NCOA6: variants seen among roughly 807,000 people sequenced by gnomAD.
NCOA6 encodes the protein nuclear receptor coactivator 6, also known as NRC RAP250.
Under a neutral mutation model 171.4 loss-of-function variants are expected in NCOA6, and 49 were observed. The observed-to-expected ratio is 0.29, with a 90% CI of 0.23 to 0.36. The LOEUF is 0.36. Among genes scored for constraint, NCOA6 ranks in the 10% least tolerant of loss-of-function variants. The probability of loss-of-function intolerance (pLI) is 1.00; values close to 1 mark genes in which losing one functional copy is unlikely to be tolerated. For missense variants in NCOA6, 2,248 were observed against 2,554.5 expected, an observed-to-expected ratio of 0.88 and a Z score of 2.59; for synonymous variants, 910 against 927.5, an observed-to-expected ratio of 0.98 and a Z score of 0.34.
At chr20:34,808,436 CTTTTTTT>C (rs957085400) in intron 1 of NCOA6, among the ~76,000 whole-genome samples, 2 of 125,490 alleles carry the variant, frequency 1.6e-5, no homozygotes, top group Non-Finnish European at 3.4e-5. Flanking sequence ...CTTGTCTGTG[CTTTTTTT>C]TTTTTTTTTT....
intron 12 of NCOA6, among the ~76,000 whole-genome samples, chr20:34,733,612 T>C (rs957989491): frequency 2.0e-5 from 3 of 152,202 alleles, no homozygotes; most frequent in African/African-American, 4.8e-5. Flanking sequence ...GTATGGCACC[T>C]GACACTTAGT....
chr20:34,779,041 A>T (rs2077437485), intron 3 of NCOA6, among the ~76,000 whole-genome samples: 1 of 152,048 alleles, frequency 6.6e-6, no homozygotes, highest in Non-Finnish European at 1.5e-5. Context: ...CATTATGAGT[A>T]CATTTAATTT....
At chr20:34,743,941 T>C (rs530330268) in intron 10 of NCOA6, among the ~76,000 whole-genome samples, 16 of 152,368 alleles carry the variant, frequency 1.1e-4, no homozygotes, top group Non-Finnish European at 1.8e-4. Flanking sequence ...TTCCAATTCA[T>C]TGGCTCCATA....
Position 34,782,157 on chromosome 20 carries a change from C to A in NCOA6, c.199G>T (p.Ala67Ser), listed in dbSNP as rs761338592. 4 of 1,605,988 alleles carry A rather than the reference C, an allele frequency of 2.5e-6. No homozygotes were observed. Among genetic ancestry groups the A allele is most frequent in the African/African-American group, 2.7e-5 (2 of 74,658 alleles). Residue 67 changes from alanine to serine, a missense_variant, in exon 3 of 15, where the codon GCA (alanine) becomes TCA (serine). Around this residue, in one of 7 missense-constraint regions of NCOA6, gnomAD observed 987 missense variants for 1,104.7 expected, o/e 0.89. Transcript: ENST00000359003. The part of the protein sequence containing the change: ...DDKDFKWKLD[A>S]ILKNVPNLLH... ...AAATTGGGCACGTTTTTCAATATTGCATCTAATTTCCATTTGAAGTCTTTA... is the reference window on the plus strand; with the variant it reads ...AAATTGGGCACGTTTTTCAATATTGAATCTAATTTCCATTTGAAGTCTTTA...
chr20:34,744,475 T>G (rs934994782), intron 10 of NCOA6, among the ~76,000 whole-genome samples: 6 of 152,090 alleles, frequency 3.9e-5, no homozygotes, highest in African/African-American at 1.4e-4. Context: ...GAAGAGTACA[T>G]TAGGGAGGTT....
rs768795684 is a variant in NCOA6 at position 34,715,344 on chromosome 20, G to A, written c.6170C>T (p.Ser2057Phe). 1.2e-6 allele frequency: 2 copies of A among 1,613,814 alleles called. No individual in the cohort carries two copies. The highest frequency in any genetic ancestry group is 2.7e-5 in the African/African-American group (2 of 74,900). ...STKDITSAVQ[S>F]KRRKSK is the part of the protein sequence containing the mutation. Reference sequence around the variant, plus strand: ...TGTTTACTTGGATTTTCTTCGCTTGGATTGCACCGCACTGGTTATGTCTGT... The same window carrying A: ...TGTTTACTTGGATTTTCTTCGCTTGAATTGCACCGCACTGGTTATGTCTGT... Residue 2057 changes from serine (S) to phenylalanine (F), a missense_variant, in exon 15 of 15, where the codon TCC becomes TTC. Transcript: ENST00000359003.
chr20:34,771,497 T>G (rs2077150323), intron 4 of NCOA6, among the ~76,000 whole-genome samples: 1 of 152,220 alleles, frequency 6.6e-6, no homozygotes, highest in East Asian at 1.9e-4. Context: ...CAAAATGTAA[T>G]ATGTATTTTA....
At chr20:34,810,082 T>C (rs962051129) in intron 1 of NCOA6, among the ~76,000 whole-genome samples, 5 of 152,230 alleles carry the variant, frequency 3.3e-5, no homozygotes, top group African/African-American at 9.6e-5. Context: ...AATACCACAG[T>C]AGTGGTTACA....
intron 12 of NCOA6, among the ~76,000 whole-genome samples, chr20:34,735,039 T>C (rs2075906446): frequency 1.3e-5 from 2 of 152,280 alleles, no homozygotes; most frequent in South Asian, 2.1e-4. Context: ...CAAGAAGGTT[T>C]GATGAAGGTA....
At chr20:34,768,062 T>G (rs551668387) in intron 5 of NCOA6, among the ~76,000 whole-genome samples, 7 of 152,302 alleles carry the variant, frequency 4.6e-5, no homozygotes, top group Admixed American at 1.3e-4. Flanking sequence ...AGATTCCACA[T>G]AAGCACACAA....
chr20:34,728,214 C>G (rs1359491284), intron 13 of NCOA6, among the ~76,000 whole-genome samples: 1 of 152,020 alleles, frequency 6.6e-6, no homozygotes, highest in Non-Finnish European at 1.5e-5. Context: ...AGTCAGATAA[C>G]AGCATATTAG....
intron 14 of NCOA6, among the ~76,000 whole-genome samples, chr20:34,726,742 G>A (rs566674081): frequency 2.5e-3 from 378 of 151,224 alleles, no homozygotes; most frequent in African/African-American, 8.6e-3. Flanking sequence ...CTGAGATCAC[G>A]CCACTGCACT....
chr20:34,782,672 A>T lies in NCOA6; in HGVS notation c.-49-268T>A, dbSNP rs191917670. The stretch of plus-strand genomic sequence containing the variant: ...TTTTTATAAGCTAGAATGTCAGGAG[A>T]AGGGAAGAAAGGATCACAAGAAAAT... On this transcript the variant is annotated intron_variant, in intron 2 of 14. Coordinates refer to ENST00000359003, the MANE Select transcript of NCOA6 (RefSeq NM_014071.5). Among the ~76,000 whole-genome samples, 416 of 152,224 alleles carry T rather than the reference A, an allele frequency of 2.7e-3. 12 individuals are homozygous for T. The highest frequency in any genetic ancestry group is 0.027 in the Admixed American group (414 of 15,288).
chr20:34,808,213 C>A (rs1568886488), intron 1 of NCOA6, among the ~76,000 whole-genome samples: 1 of 151,832 alleles, frequency 6.6e-6, no homozygotes, highest in Non-Finnish European at 1.5e-5. Context: ...CAACTCCTGG[C>A]CTCAAACGGT....
At chr20:34,739,066 C>T (rs2076049126) in intron 11 of NCOA6, 1 of 424,796 alleles carries the variant, frequency 2.4e-6, no homozygotes, top group Non-Finnish European at 4.9e-6. Flanking sequence ...GGAGGAGGAA[C>T]ATGTCAGGGA....
intron 13 of NCOA6, among the ~76,000 whole-genome samples, chr20:34,729,097 T>C (rs2145335456): frequency 6.6e-6 from 1 of 152,128 alleles, no homozygotes; most frequent in East Asian, 1.9e-4. Context: ...ATTACAGGCA[T>C]GCGCCACCAC....
At chr20:34,729,083 T>A (rs1456580783) in intron 13 of NCOA6, among the ~76,000 whole-genome samples, 1 of 152,192 alleles carries the variant, frequency 6.6e-6, no homozygotes, top group Admixed American at 6.5e-5. Context: ...CCTGAGTAGC[T>A]GGGATTACAG....
chr20:34,745,580 A>G (rs532015693), intron 10 of NCOA6, among the ~76,000 whole-genome samples: 8 of 152,342 alleles, frequency 5.3e-5, no homozygotes, highest in African/African-American at 1.9e-4. Context: ...TTTGGATTCA[A>G]TTTTAAAATA....
Position 34,758,840 on chromosome 20 carries a change from A to C in NCOA6, c.608T>G (p.Leu203Arg). The C allele has an allele frequency of 1.9e-6, 3 of 1,613,002 alleles. No homozygotes were observed. The highest frequency in any genetic ancestry group is 1.1e-5 in the South Asian group (1 of 90,748). The change falls in exon 6 of 15, where the codon CTG (leucine) becomes CGG (arginine). Residue 203 changes from leucine to arginine, a missense_variant. Leu to Arg is a moderately radical substitution (Grantham distance 102). Coordinates refer to ENST00000359003, the MANE Select transcript of NCOA6 (RefSeq NM_014071.5). ...AGCAGGGCGAGGAGTCCTGGGCTGC[A>C]GCTCTGGATTGGGGCCTGGTGCCAT... ...SMMAPGPNPE[L>R]QPRTPRPASQ...
Sources: gnomAD v4.1 joint callset for allele counts (sites outside exome capture counted in the v4.1 genomes callset) on GRCh38, gnomAD v4.1.1 for gene constraint, gnomAD v4.1.1 regional missense constraint, MANE v1.5 for transcripts, NCBI Gene and HGNC (gene_info 2026-07-23, HGNC 2026-07-21) for gene names.